ARHGAP32: variants seen among roughly 807,000 people sequenced by gnomAD.
The protein encoded by ARHGAP32 is Rho GTPase activating protein 32.
A neutral mutation model predicts 186.5 loss-of-function variants in ARHGAP32; 51 were observed. The ratio of observed to expected loss-of-function variants is 0.27; its 90% confidence interval spans 0.22 to 0.35. ARHGAP32 has a LOEUF of 0.35. Among genes scored for constraint, ARHGAP32 ranks in the 10% least tolerant of loss-of-function variants. The pLI is 1.00. For synonymous variants in ARHGAP32, 950 were observed against 964.3 expected (o/e 0.99, Z 0.27); for missense variants, 2,186 against 2,623.5 (o/e 0.83, Z 3.64).
intron 1 of ARHGAP32, among the ~76,000 whole-genome samples, chr11:129,186,521 C>T (rs1273081359): frequency 6.6e-6 from 1 of 152,090 alleles, no homozygotes; most frequent in Admixed American, 6.6e-5. Flanking sequence ...GAATGTTATA[C>T]TTACTGTTAA....
At position 128,980,714 on chromosome 11, in the gene ARHGAP32, G is replaced by C; in HGVS notation, c.1815C>G (p.Ser605=). The C allele has an allele frequency of 6.2e-7, 1 of 1,613,566 alleles. No individual in the cohort carries two copies. The highest frequency in any genetic ancestry group is 1.1e-5 in the South Asian group (1 of 90,962). The change falls in exon 18 of 23, where the codon TCC becomes TCG. Residue 605 remains serine, a synonymous_variant. Coordinates refer to ENST00000682385, the MANE Select transcript of ARHGAP32 (RefSeq NM_001378024.1). ...ATGTCAGCAGTTTGGTGGATGGAGA[G>C]GATACCAGGAGGGACTTGGGCCTTG... is the stretch of plus-strand genomic sequence containing the variant. ...SLSRPKSLLV[S]SPSTKLLTLE... is the part of the protein sequence containing the mutation.
At position 129,123,956 on chromosome 11, in the gene ARHGAP32, C is replaced by T; in HGVS notation, c.318-27G>A. ...TGAACGCAGAATGAACATTTTTATC[C>T]TTGTCTTTCCTCTACTTACACATGA... On this transcript the variant is annotated intron_variant, in intron 3 of 22. Coordinates refer to ENST00000682385, the MANE Select transcript of ARHGAP32 (RefSeq NM_001378024.1). The surrounding 1 kb of genome is among the most constrained non-coding windows in gnomAD (Gnocchi z 4.6). The T allele has an allele frequency of 7.8e-7, 1 of 1,284,812 alleles. No homozygotes were observed. Among genetic ancestry groups the T allele is most frequent in the Non-Finnish European group, 1.0e-6 (1 of 985,604 alleles). 79.6% of individuals were successfully genotyped at this position (1,284,812 alleles called of 1,614,324 possible). A position where few individuals can be genotyped will look rare whatever the true frequency, so the allele number is the denominator to read the frequency against.
intron 11 of ARHGAP32, among the ~76,000 whole-genome samples, chr11:129,016,445 G>T (rs1004184991): frequency 1.3e-5 from 2 of 152,042 alleles, no homozygotes; most frequent in Admixed American, 1.3e-4. Context: ...ATGTTTTTTA[G>T]GGAGAGATAT....
At chr11:129,265,092 A>C (rs1319380952) in intron 1 of ARHGAP32, among the ~76,000 whole-genome samples, 1 of 152,144 alleles carries the variant, frequency 6.6e-6, no homozygotes, top group Non-Finnish European at 1.5e-5. Flanking sequence ...AACAACACAG[A>C]ATACAAATGG....
chr11:129,196,231 C>T (rs1045855109), upstream of ARHGAP32, among the ~76,000 whole-genome samples: 2 of 152,164 alleles, frequency 1.3e-5, no homozygotes, highest in African/African-American at 4.8e-5. Flanking sequence ...TAGTAATAAT[C>T]ACAGCAACAG....
intron 17 of ARHGAP32, among the ~76,000 whole-genome samples, chr11:128,981,214 A>ATC (rs1305866728): frequency 6.6e-6 from 1 of 152,224 alleles, no homozygotes; most frequent in Non-Finnish European, 1.5e-5. Context: ...ATGAACTTAG[A>ATC]TCACAATAGG....
At chr11:129,222,342 G>C (rs1420823817) in intron 1 of ARHGAP32, among the ~76,000 whole-genome samples, 1 of 152,070 alleles carries the variant, frequency 6.6e-6, no homozygotes, top group East Asian at 1.9e-4. Context: ...TAAGCAATAG[G>C]TTCAGACAGG....
At chr11:129,099,534 T>C (rs973508762) in intron 5 of ARHGAP32, among the ~76,000 whole-genome samples, 1 of 152,152 alleles carries the variant, frequency 6.6e-6, no homozygotes, top group African/African-American at 2.4e-5. Context: ...TTACTATATA[T>C]GGTGGTTACA....
upstream of ARHGAP32, among the ~76,000 whole-genome samples, chr11:129,194,800 A>G (rs1175608848): frequency 6.6e-6 from 1 of 152,150 alleles, no homozygotes; most frequent in Non-Finnish European, 1.5e-5. Flanking sequence ...TGTCATGCAC[A>G]TATAATCCTT....
At chr11:128,997,312 T>C (rs1946227004) in intron 12 of ARHGAP32, among the ~76,000 whole-genome samples, 1 of 152,200 alleles carries the variant, frequency 6.6e-6, no homozygotes, top group Admixed American at 6.5e-5. Context: ...TTGTCTACTC[T>C]CTCAAGAAAC....
intron 11 of ARHGAP32, among the ~76,000 whole-genome samples, chr11:129,035,634 G>C (rs1939299231): frequency 6.6e-6 from 1 of 152,054 alleles, no homozygotes; most frequent in South Asian, 2.1e-4. Flanking sequence ...GATCACTTGA[G>C]GTCAGGAGTT....
At chr11:128,979,753 C>T (rs778369716) in intron 18 of ARHGAP32, among the ~76,000 whole-genome samples, 1 of 152,162 alleles carries the variant, frequency 6.6e-6, no homozygotes, top group Non-Finnish European at 1.5e-5. Context: ...ATTAGTACTA[C>T]CCAATCCAGA....
At chr11:129,103,938 G>T (rs903875523) in intron 5 of ARHGAP32, among the ~76,000 whole-genome samples, 1 of 152,060 alleles carries the variant, frequency 6.6e-6, no homozygotes, top group Non-Finnish European at 1.5e-5. Context: ...ACCCAGAACT[G>T]CAGGAAGGAA....
intron 1 of ARHGAP32, among the ~76,000 whole-genome samples, chr11:129,261,147 A>T (rs1351829242): frequency 6.6e-6 from 1 of 152,164 alleles, no homozygotes; most frequent in Non-Finnish European, 1.5e-5. Flanking sequence ...ACACAGCTGA[A>T]AGCAGCAAAA....
intron 1 of ARHGAP32, among the ~76,000 whole-genome samples, chr11:129,179,592 C>T (rs1338732238): frequency 1.3e-5 from 2 of 151,644 alleles, no homozygotes; most frequent in Non-Finnish European, 2.9e-5. Context: ...GGCACATATA[C>T]ACCATGGAAT....
At chr11:129,081,071 A>C (rs2135219988) in intron 6 of ARHGAP32, among the ~76,000 whole-genome samples, 1 of 152,188 alleles carries the variant, frequency 6.6e-6, no homozygotes, top group East Asian at 1.9e-4. Flanking sequence ...AATAAATAGA[A>C]ACTCTGAACA....
At position 128,999,764 on chromosome 11, in the gene ARHGAP32, CCTTAT is replaced by C. The variant is rs1400326375; in HGVS notation, c.1046-1301_1046-1297del. On this transcript the variant is annotated intron_variant, in intron 11 of 22. Transcript: ENST00000682385. ...CCCCCGATATCTTCTCACCACCTTA[CCTTAT>C]GAGACTGTCAGCAAATTTAAATGTT... is the stretch of plus-strand genomic sequence containing the variant. Among the ~76,000 whole-genome samples, 51 of 152,300 alleles carry C rather than the reference CCTTAT, an allele frequency of 3.3e-4. 1 individual carries two copies. Among genetic ancestry groups the C allele is most frequent in the Admixed American group, 2.7e-3 (42 of 15,298 alleles).
Position 128,970,429 on chromosome 11 carries a change from C to A in ARHGAP32, c.4784G>T (p.Arg1595Leu), listed in dbSNP as rs765797475. ...CGGAGCATGGAGAGACTGCACTCTC[C>A]GGATGGTAGGGTACGGTGGAATGTC... ...PEDIPPYPTI[R>L]RVQSLHAPPS... Residue 1595 changes from arginine (R) to leucine (L), a missense_variant, in exon 23 of 23, where the codon CGG becomes CTG. Transcript: ENST00000682385. This position sits in a 1 kb window ranked among gnomAD's most constrained non-coding sequence, Gnocchi z 5.8. The A allele has an allele frequency of 6.2e-7, 1 of 1,614,076 alleles. No homozygotes were observed. The highest frequency in any genetic ancestry group is 8.5e-7 in the Non-Finnish European group (1 of 1,180,018).
intron 1 of ARHGAP32, among the ~76,000 whole-genome samples, chr11:129,174,855 A>C (rs1360149665): frequency 6.7e-6 from 1 of 150,308 alleles, no homozygotes; most frequent in African/African-American, 2.5e-5. Context: ...AACAGAACAG[A>C]AAAACTGGAA....
Sources: gnomAD v4.1 joint callset for allele counts (sites outside exome capture counted in the v4.1 genomes callset) on GRCh38, gnomAD v4.1.1 for gene constraint, Gnocchi (gnomAD v3.1) non-coding constraint, MANE v1.5 for transcripts, NCBI Gene and HGNC (gene_info 2026-07-23, HGNC 2026-07-21) for gene names.